Variants in PARP12 observed in about 807,000 individuals in gnomAD.
PARP12 encodes the protein protein mono-ADP-ribosyltransferase PARP12.
PARP12 carries 59 observed loss-of-function variants against 72.4 expected under a neutral mutation model. The ratio of observed to expected loss-of-function variants is 0.81; its 90% CI spans 0.66 to 1.01. PARP12 has a LOEUF of 1.01. Among genes scored for constraint, PARP12 ranks in the 50% least tolerant of loss-of-function variants. The pLI, the probability that PARP12 is intolerant of heterozygous loss-of-function variation, is 0.00. For synonymous variants in PARP12, 403 were observed against 371.4 expected, an observed-to-expected ratio of 1.09 and a Z score of -0.98; for missense variants, 851 against 914.0, an observed-to-expected ratio of 0.93 and a Z score of 0.89.
chr7:140,026,158 C>G, intron 11 of PARP12, 39 bp downstream of exon 11: 1 of 1,614,012 alleles, frequency 6.2e-7, no homozygotes. Flanking sequence ...AGGGGCAAAG[C>G]AACATGGGTT....
chr7:140,037,747 G>A lies in PARP12; in HGVS notation c.1292C>T (p.Ala431Val), dbSNP rs1816268580. The A allele has an allele frequency of 2.5e-6, 4 of 1,614,188 alleles. No homozygotes were observed. Among genetic ancestry groups the A allele is most frequent in the Non-Finnish European group, 3.4e-6 (4 of 1,180,018 alleles). ...DGQAATLKFQ[A>V]GKHNYELDFK... ...ATCTAACTCGTAGTTGTGCTTTCCG[G>A]CCTGGAACTTCAAGGTGGCTGCCTG... Residue 431 changes from alanine (A) to valine (V), a missense_variant, in exon 7 of 12, where the codon GCC becomes GTC. By Grantham distance (64) the Ala-to-Val change is moderately conservative. Transcript: ENST00000263549.
rs1815647740 is a variant in PARP12 at position 140,024,544 on chromosome 7, G to GA, written c.*15dup. 1.2e-6 allele frequency: 2 copies of GA among 1,613,596 alleles called. No homozygotes were observed. Among genetic ancestry groups the GA allele is most frequent in the Non-Finnish European group, 1.7e-6 (2 of 1,179,810 alleles). ...CAAGGCAGAGCAGGTGAAAGGCCTG[G>GA]AACACTCCTGTGCGCTCACTGTCGG... On this transcript the variant is annotated 3_prime_UTR_variant, in exon 12 of 12. Coordinates refer to ENST00000263549, the MANE Select transcript of PARP12 (RefSeq NM_022750.4).
chr7:140,051,409 T>TA (rs1344451420), intron 4 of PARP12, among the ~76,000 whole-genome samples: 2 of 151,794 alleles, frequency 1.3e-5, no homozygotes, highest in Non-Finnish European at 2.9e-5. Flanking sequence ...TTTTTTTTTT[T>TA]AGACAGAGTT....
intron 6 of PARP12, among the ~76,000 whole-genome samples, chr7:140,039,318 C>G (rs1468904723): frequency 6.6e-6 from 1 of 152,228 alleles, no homozygotes; most frequent in Non-Finnish European, 1.5e-5. Flanking sequence ...AGAGGAGAAG[C>G]AGCAGTCAGA....
chr7:140,062,099 T>C (rs756657127), intron 1 of PARP12, among the ~76,000 whole-genome samples: 7 of 151,506 alleles, frequency 4.6e-5, no homozygotes, highest in Non-Finnish European at 8.8e-5. Context: ...AGCAGATTAA[T>C]AGGGTTGAAC....
At chr7:140,024,970 T>C in intron 11 of PARP12, 85 bp from the exon 12 acceptor site, 6 of 1,271,808 alleles carry the variant, frequency 4.7e-6, no homozygotes, top group African/African-American at 1.5e-5. Flanking sequence ...CCTGGTGATG[T>C]GCAACGCCAG....
chr7:140,052,672 GAACTCCATGC>G (rs1048106166), intron 4 of PARP12, among the ~76,000 whole-genome samples: 140 of 151,414 alleles, frequency 9.2e-4, no homozygotes, highest in African/African-American at 2.5e-3. Flanking sequence ...CAAAACTTTT[GAACTCCATGC>G]ATAATTTTTT....
chr7:140,030,582 T>C lies in PARP12; in HGVS notation c.1422-1894A>G, dbSNP rs113128030. On this transcript the variant is annotated intron_variant, in intron 8 of 11. Coordinates refer to ENST00000263549, the MANE Select transcript of PARP12 (RefSeq NM_022750.4). ...CACTGCACTCTGGCCTGGGCGACAG[T>C]GCGACTCCATCTCAAAATACATACA... Among the ~76,000 whole-genome samples, 32 of 152,356 alleles carry C rather than the reference T, an allele frequency of 2.1e-4. 1 individual carries two copies. The highest frequency in any genetic ancestry group is 7.2e-4 in the African/African-American group (30 of 41,582).
chr7:140,039,187 T>C (rs1388693445), intron 6 of PARP12, among the ~76,000 whole-genome samples: 1 of 152,154 alleles, frequency 6.6e-6, no homozygotes, highest in African/African-American at 2.4e-5. Context: ...GCCATTAGAC[T>C]AGAGTCCGGG....
chr7:140,058,751 T>C (rs1817305221), intron 1 of PARP12, among the ~76,000 whole-genome samples: 1 of 152,154 alleles, frequency 6.6e-6, no homozygotes. Context: ...TCAGTCTTCA[T>C]GACAATTTTT....
chr7:140,038,120 G>C (rs1647102503), intron 6 of PARP12: 1 of 985,434 alleles, frequency 1.0e-6, no homozygotes, highest in Admixed American at 6.1e-5. Context: ...GCAACGGAGA[G>C]GAGGGCACTC....
chr7:140,024,460 A>G lies in PARP12; in HGVS notation c.*100T>C, dbSNP rs748878582. The G allele has an allele frequency of 1.9e-5, 22 of 1,185,878 alleles. No homozygotes were observed. Among genetic ancestry groups the G allele is most frequent in the Non-Finnish European group, 1.2e-6 (1 of 814,220 alleles). The allele number at this position is 1,185,878 out of a possible 1,614,324, so 73.5% of individuals were successfully genotyped here. A position where few individuals can be genotyped will look rare whatever the true frequency, so the allele number is the denominator to read the frequency against. Reference sequence around the variant, plus strand: ...ACTTCATTGAGAGGTCAATGTTAAGAGAACAGTTCATTAAAAGTTTCTGTT... The same window carrying G: ...ACTTCATTGAGAGGTCAATGTTAAGGGAACAGTTCATTAAAAGTTTCTGTT... On this transcript the variant is annotated 3_prime_UTR_variant, in exon 12 of 12. Transcript: ENST00000263549.
chr7:140,058,339 G>A (rs571251911), intron 1 of PARP12, among the ~76,000 whole-genome samples: 3 of 152,074 alleles, frequency 2.0e-5, no homozygotes, highest in East Asian at 1.9e-4. Flanking sequence ...GTGAAACCCC[G>A]TCTCTACTAA....
At chr7:140,049,653 G>A (rs1187205236) in intron 4 of PARP12, among the ~76,000 whole-genome samples, 1 of 152,198 alleles carries the variant, frequency 6.6e-6, no homozygotes, top group African/African-American at 2.4e-5. Context: ...TCCTCAGGAA[G>A]GACATGGGGG....
intron 6 of PARP12, among the ~76,000 whole-genome samples, chr7:140,040,379 G>A (rs542147947): frequency 6.6e-6 from 1 of 152,336 alleles, no homozygotes. Flanking sequence ...CAGCAAGCAA[G>A]GAGAGGCTGG....
At chr7:140,048,115 C>T (rs1816811773) in intron 4 of PARP12, among the ~76,000 whole-genome samples, 1 of 152,122 alleles carries the variant, frequency 6.6e-6, no homozygotes, top group South Asian at 2.1e-4. Flanking sequence ...ACCAGAAATC[C>T]ATCCCAACCC....
chr7:140,051,058 T>TG (rs1232190504), intron 4 of PARP12, among the ~76,000 whole-genome samples: 1 of 152,014 alleles, frequency 6.6e-6, no homozygotes, highest in Admixed American at 6.6e-5. Flanking sequence ...CATCAGGAGC[T>TG]GGGGGGAGGG....
Position 140,028,683 on chromosome 7 carries a change from G to T in PARP12, c.1427C>A (p.Thr476Asn), listed in dbSNP as rs1268072079. ...GATGCTCTTCGGGCCTGGAAACTTGGTATTGCTACAAAAATGTAAACAAAA... is the reference window on the plus strand; with the variant it reads ...GATGCTCTTCGGGCCTGGAAACTTGTTATTGCTACAAAAATGTAAACAAAA... ...QDVTTMQTCN[T>N]KFPGPKSIPD... Residue 476 changes from threonine (T) to asparagine (N), a missense_variant, in exon 9 of 12, where the codon ACC (threonine) becomes AAC (asparagine). Physicochemically the swap from Thr to Asn is moderately conservative, Grantham distance 65. This residue lies in a region of PARP12 where 347 missense variants were observed against 396.1 expected (regional missense o/e 0.88). Transcript: ENST00000263549. 2 of 1,600,808 alleles carry T rather than the reference G, an allele frequency of 1.2e-6. No individual in the cohort carries two copies. Among genetic ancestry groups the T allele is most frequent in the Non-Finnish European group, 8.5e-7 (1 of 1,173,012 alleles).
rs150827356 is a variant in PARP12 at position 140,057,951 on chromosome 7, T to G, written c.410A>C (p.Tyr137Ser). The G allele has an allele frequency of 1.2e-6, 2 of 1,614,262 alleles. No individual in the cohort carries two copies. ...LRTHGVDHLS[Y>S]NELCQLLFQN... ...AAACAAGAGTTGGCATAGCTCATTA[T>G]AGCTCAGGTGGTCAACGCCATGAGT... Residue 137 changes from tyrosine to serine, a missense_variant, in exon 2 of 12, where the codon TAT becomes TCT. Tyr to Ser is a moderately radical substitution (Grantham distance 144, BLOSUM62 -2). Transcript: ENST00000263549.
Sources: allele counts gnomAD v4.1 joint callset (sites outside exome capture counted in the v4.1 genomes callset), GRCh38; gene constraint gnomAD v4.1.1; regional missense constraint gnomAD v4.1.1; transcripts MANE v1.5; gene names NCBI Gene and HGNC (gene_info 2026-07-23, HGNC 2026-07-21).